Variants in SYTL5 observed in about 807,000 individuals in gnomAD.
The protein encoded by SYTL5 is synaptotagmin like 5.
Under a neutral mutation model 55.9 loss-of-function variants are expected in SYTL5, and 34 were observed. The observed-to-expected ratio is 0.61, with a 90% CI of 0.46 to 0.81. SYTL5 has a LOEUF of 0.81. Among genes scored for constraint, SYTL5 ranks in the 30% least tolerant of loss-of-function variants. The pLI, the probability that SYTL5 is intolerant of heterozygous loss-of-function variation, is 0.00. For synonymous variants in SYTL5, 221 were observed against 188.7 expected, an observed-to-expected ratio of 1.17 and a Z score of -1.40; for missense variants, 637 against 546.7, an observed-to-expected ratio of 1.17 and a Z score of -1.65.
At chrX:37,970,997 G>T in the SYTL5 span, among the ~76,000 whole-genome samples, 2 of 111,864 alleles carry the variant, frequency 1.8e-5, no homozygotes, top group Non-Finnish European at 3.8e-5. Context: ...TAATTTTAAC[G>T]CCACCTTATT....
At chrX:38,115,849 T>A (rs995717765) in intron 13 of SYTL5, among the ~76,000 whole-genome samples, 2 of 112,278 alleles carry the variant, frequency 1.8e-5, no homozygotes, top group Admixed American at 9.4e-5. Context: ...TTAAACTATA[T>A]CAGATGTATG....
the SYTL5 span, among the ~76,000 whole-genome samples, chrX:37,898,072 C>T: frequency 2.7e-5 from 3 of 111,487 alleles, no homozygotes; most frequent in Non-Finnish European, 3.8e-5. Flanking sequence ...TGCACTGCAG[C>T]CTGGACAACA....
upstream of SYTL5, among the ~76,000 whole-genome samples, chrX:38,005,815 C>A (rs1430096188): frequency 9.0e-6 from 1 of 111,727 alleles, no homozygotes; most frequent in Non-Finnish European, 1.9e-5. Flanking sequence ...TCCAGGACAC[C>A]ACCTTTGGGG....
the SYTL5 span, among the ~76,000 whole-genome samples, chrX:37,976,197 G>A: frequency 8.9e-6 from 1 of 112,597 alleles, no homozygotes; most frequent in East Asian, 2.8e-4. Context: ...GTTGCAAATG[G>A]CATGTTCTTA....
intron 12 of SYTL5, among the ~76,000 whole-genome samples, chrX:38,109,144 G>A (rs1602405386): frequency 8.9e-6 from 1 of 112,381 alleles, no homozygotes; most frequent in Non-Finnish European, 1.9e-5. Context: ...TTGACCAAAT[G>A]TAGGTATGTG....
the SYTL5 span, among the ~76,000 whole-genome samples, chrX:37,899,666 C>A: frequency 8.9e-6 from 1 of 111,938 alleles, no homozygotes; most frequent in Non-Finnish European, 1.9e-5. Context: ...TTATGTGCTG[C>A]CCCATGACAC....
At chrX:37,968,838 G>A in the SYTL5 span, among the ~76,000 whole-genome samples, 1 of 111,934 alleles carries the variant, frequency 8.9e-6, no homozygotes, top group African/African-American at 3.2e-5. Flanking sequence ...TTTAAAATCT[G>A]TAGCATTTAA....
At chrX:37,929,163 G>A in the SYTL5 span, among the ~76,000 whole-genome samples, 1,139 of 112,328 alleles carry the variant, frequency 0.01, 11 homozygotes, top group African/African-American at 0.035. Context: ...GAGTAAGACT[G>A]CATCTCTGGA....
intron 3 of SYTL5, among the ~76,000 whole-genome samples, chrX:38,066,131 TA>T (rs1232262129): frequency 1.8e-5 from 2 of 111,214 alleles, no homozygotes; most frequent in African/African-American, 6.5e-5. Context: ...AATAAATGTA[TA>T]AAAAAATTGA....
At chrX:38,045,681 CCTT>C (rs1176608798) in intron 2 of SYTL5, among the ~76,000 whole-genome samples, 2 of 112,454 alleles carry the variant, frequency 1.8e-5, no homozygotes, top group Admixed American at 9.5e-5. Context: ...TTCTTTTACT[CCTT>C]CTTCTTGTTA....
At chrX:37,917,904 T>C in the SYTL5 span, among the ~76,000 whole-genome samples, 1 of 111,887 alleles carries the variant, frequency 8.9e-6, no homozygotes, top group Admixed American at 9.5e-5. Context: ...GTTACTACAT[T>C]TGCTTGGCAA....
At chrX:38,024,589 T>C (rs762325520) in intron 1 of SYTL5, among the ~76,000 whole-genome samples, 69 of 111,370 alleles carry the variant, frequency 6.2e-4, no homozygotes, top group Middle Eastern at 4.7e-3. Flanking sequence ...ACAAGCAGGG[T>C]CCCTGAAACC....
At chrX:37,998,398 C>T in the SYTL5 span, among the ~76,000 whole-genome samples, 3 of 112,271 alleles carry the variant, frequency 2.7e-5, no homozygotes, top group Non-Finnish European at 1.9e-5. Flanking sequence ...CTGTGGTTCA[C>T]TGGCATCTCC....
chrX:37,961,893 TA>T, the SYTL5 span, among the ~76,000 whole-genome samples: 97 of 112,049 alleles, frequency 8.7e-4, 1 homozygote, highest in African/African-American at 3.0e-3. Flanking sequence ...ACAAGTGATG[TA>T]TACTTTTTTT....
intron 13 of SYTL5, 32 bp from the exon 14 acceptor site, chrX:38,120,326 C>A: frequency 9.5e-7 from 1 of 1,052,458 alleles, no homozygotes; most frequent in Non-Finnish European, 1.3e-6. Flanking sequence ...ATCATCCATA[C>A]TCTTTCAACT....
At chrX:37,981,870 G>A in the SYTL5 span, among the ~76,000 whole-genome samples, 6 of 111,701 alleles carry the variant, frequency 5.4e-5, no homozygotes, top group African/African-American at 9.8e-5. Context: ...GAGAGGGAGA[G>A]TGGGTTGAAC....
intron 3 of SYTL5, among the ~76,000 whole-genome samples, chrX:38,067,346 A>C (rs1936124981): frequency 9.3e-6 from 1 of 107,311 alleles, no homozygotes; most frequent in African/African-American, 3.4e-5. Context: ...TGCTGTCAGT[A>C]TGCTATCTAC....
At position 38,072,114 on chromosome X, in the gene SYTL5, G is replaced by A; in HGVS notation, c.397G>A (p.Val133Ile). Residue 133 changes from valine (V) to isoleucine (I), a missense_variant, in exon 4 of 17, where the codon GTT becomes ATT. By Grantham distance (29) the Val-to-Ile change is conservative (BLOSUM62 3). Coordinates refer to ENST00000297875, the MANE Select transcript of SYTL5 (RefSeq NM_138780.3). Reference protein sequence around the residue: ...EKAKRFKQVNVLGTDVVRQSI... With the variant: ...EKAKRFKQVNILGTDVVRQSI... ...GGCAAAACGTTTCAAGCAAGTCAAT[G>A]TTCTCGGCACTGATGTTGTCCGACA... 3 of 1,210,831 alleles carry A rather than the reference G, an allele frequency of 2.5e-6. No homozygotes were observed. The highest frequency in any genetic ancestry group is 3.4e-6 in the Non-Finnish European group (3 of 894,824).
At chrX:37,964,997 A>C in the SYTL5 span, among the ~76,000 whole-genome samples, 4 of 110,504 alleles carry the variant, frequency 3.6e-5, no homozygotes, top group Non-Finnish European at 7.6e-5. Flanking sequence ...ATTCTAGCTA[A>C]AGGCTTGTGA....
Sources: allele counts gnomAD v4.1 joint callset (sites outside exome capture counted in the v4.1 genomes callset), GRCh38; gene constraint gnomAD v4.1.1; transcripts MANE v1.5; gene names NCBI Gene and HGNC (gene_info 2026-07-23, HGNC 2026-07-21).